The following CTNNA3 variants were observed in gnomAD, a reference collection of about 807,000 sequenced individuals.
CTNNA3 encodes catenin alpha 3.
In CTNNA3, 76 loss-of-function variants were observed where a neutral mutation model predicts 95.7. That is an observed-to-expected ratio of 0.79 (90% confidence interval 0.66 to 0.96). The LOEUF (loss-of-function observed/expected upper bound fraction) is 0.96, where lower values mean the gene tolerates loss of function less well. Ranked by LOEUF, CTNNA3 falls within the 40% of genes least tolerant of loss-of-function variation. CTNNA3 has a pLI of 0.00. For missense variants in CTNNA3, 1,191 were observed against 1,089.8 expected (o/e 1.09, Z -1.31); for synonymous variants, 431 against 374.4 (o/e 1.15, Z -1.74).
At chr10:66,377,297 T>G (rs2092802858) in intron 12 of CTNNA3, among the ~76,000 whole-genome samples, 1 of 152,070 alleles carries the variant, frequency 6.6e-6, no homozygotes, top group Non-Finnish European at 1.5e-5. Context: ...TAGGACATAA[T>G]TTATCTAGAG....
intron 7 of CTNNA3, among the ~76,000 whole-genome samples, chr10:66,872,561 C>T (rs1291355037): frequency 6.6e-6 from 1 of 151,930 alleles, no homozygotes; most frequent in African/African-American, 2.4e-5. Context: ...CCCAGCTACT[C>T]AGGAGGCTGA....
intron 14 of CTNNA3, 88 bp downstream of exon 14, chr10:66,103,069 C>A (rs565978538): frequency 1.9e-6 from 2 of 1,035,696 alleles, no homozygotes; most frequent in Non-Finnish European, 3.0e-6. Context: ...AGGAGTCCCA[C>A]CCATTAGAGG....
At chr10:67,094,562 A>C (rs940205758) in intron 7 of CTNNA3, among the ~76,000 whole-genome samples, 5 of 151,822 alleles carry the variant, frequency 3.3e-5, no homozygotes, top group Admixed American at 6.6e-5. Flanking sequence ...TCATATTGTC[A>C]AGCATGGTGC....
At chr10:67,193,824 A>G (rs187346955) in intron 6 of CTNNA3, among the ~76,000 whole-genome samples, 1 of 151,124 alleles carries the variant, frequency 6.6e-6, no homozygotes, top group African/African-American at 2.5e-5. Context: ...TCTTTATGAC[A>G]GAACAATTTA....
chr10:66,569,810 C>A (rs754127872), intron 10 of CTNNA3, among the ~76,000 whole-genome samples: 1 of 151,996 alleles, frequency 6.6e-6, no homozygotes, highest in Non-Finnish European at 1.5e-5. Context: ...ATATTATGAG[C>A]AATATCAGGA....
intron 9 of CTNNA3, among the ~76,000 whole-genome samples, chr10:66,709,269 G>T (rs1848216287): frequency 6.6e-6 from 1 of 152,042 alleles, no homozygotes; most frequent in Non-Finnish European, 1.5e-5. Context: ...TCCTGTGCTT[G>T]GATGTGGCAC....
At chr10:66,003,505 A>T (rs1804972654) in intron 15 of CTNNA3, among the ~76,000 whole-genome samples, 1 of 152,176 alleles carries the variant, frequency 6.6e-6, no homozygotes, top group South Asian at 2.1e-4. Context: ...TATAGAATTC[A>T]TAGAAGAATT....
At chr10:67,364,772 T>A (rs1843142905) in intron 5 of CTNNA3, among the ~76,000 whole-genome samples, 1 of 152,062 alleles carries the variant, frequency 6.6e-6, no homozygotes, top group Non-Finnish European at 1.5e-5. Flanking sequence ...ATAGGAAGAA[T>A]CAAAATCATG....
At chr10:67,275,425 C>T (rs771754684) in intron 5 of CTNNA3, among the ~76,000 whole-genome samples, 2 of 152,060 alleles carry the variant, frequency 1.3e-5, no homozygotes, top group African/African-American at 4.8e-5. Context: ...GATCAAACTA[C>T]AACAGCTACA....
chr10:66,723,910 A>T (rs1848704205), intron 9 of CTNNA3, among the ~76,000 whole-genome samples: 1 of 152,176 alleles, frequency 6.6e-6, no homozygotes, highest in Non-Finnish European at 1.5e-5. Flanking sequence ...GGAGTCTCAT[A>T]AATCAGACTT....
intron 12 of CTNNA3, among the ~76,000 whole-genome samples, chr10:66,364,312 GT>G (rs902944347): frequency 7.8e-6 from 1 of 127,460 alleles, no homozygotes; most frequent in African/African-American, 2.5e-5. Flanking sequence ...GGAGGCTGAG[GT>G]GGGAGGATCA....
At chr10:67,539,770 C>T in intron 3 of CTNNA3, 101 bp from the exon 4 acceptor site, 2 of 980,644 alleles carry the variant, frequency 2.0e-6, no homozygotes, top group Non-Finnish European at 3.0e-6. Context: ...CAAGACTAAG[C>T]ATAATATAAA....
At chr10:66,179,953 T>C (rs996512259) in intron 13 of CTNNA3, among the ~76,000 whole-genome samples, 1 of 152,150 alleles carries the variant, frequency 6.6e-6, no homozygotes, top group African/African-American at 2.4e-5. Flanking sequence ...ATGGGTTGAA[T>C]AGTAGATGTG....
intron 13 of CTNNA3, among the ~76,000 whole-genome samples, chr10:66,147,700 T>C (rs1042999662): frequency 6.6e-6 from 1 of 151,064 alleles, no homozygotes; most frequent in Non-Finnish European, 1.5e-5. Flanking sequence ...TTAGTGGCTG[T>C]TTTATACCTG....
At chr10:66,751,685 G>C (rs1283090006) in intron 9 of CTNNA3, among the ~76,000 whole-genome samples, 1 of 151,984 alleles carries the variant, frequency 6.6e-6, no homozygotes, top group East Asian at 1.9e-4. Context: ...TGCCTTCCAA[G>C]GTTCTAACAA....
In CTNNA3 at chr10:65,920,686, C is replaced by G; in HGVS notation, c.2401-69G>C. 3 of 1,513,892 alleles carry G rather than the reference C, an allele frequency of 2.0e-6. No homozygotes were observed. The South Asian group carries it at 3.7e-5, about 19-fold the overall frequency. The allele number at this position is 1,513,892 out of a possible 1,614,324, so 93.8% of individuals were successfully genotyped here. Reference sequence around the variant, plus strand: ...TTTGTTAATTATTGCCAAGCGTGGGCATGGTGGCATGTGCCCGTTGCCCCA... The same window carrying G: ...TTTGTTAATTATTGCCAAGCGTGGGGATGGTGGCATGTGCCCGTTGCCCCA... On this transcript the variant is annotated intron_variant, in intron 17 of 17. Coordinates refer to ENST00000433211, the MANE Select transcript of CTNNA3 (RefSeq NM_013266.4).
At position 67,051,482 on chromosome 10, in the gene CTNNA3, C is replaced by T. The variant is rs77343273; in HGVS notation, c.1047+128835G>A. On this transcript the variant is annotated intron_variant, in intron 7 of 17. Coordinates refer to ENST00000433211, the MANE Select transcript of CTNNA3 (RefSeq NM_013266.4). ...TTTTTTCTTTTTTTTTTTTTGGTGACGGAGTCTCACCCTGTCACCGAGGCT... is the reference window on the plus strand; with the variant it reads ...TTTTTTCTTTTTTTTTTTTTGGTGATGGAGTCTCACCCTGTCACCGAGGCT... Among the ~76,000 whole-genome samples the T allele has an allele frequency of 0.01, 1,524 of 145,744 alleles. 59 individuals are homozygous for T. The East Asian group carries it at 0.14, about 14-fold the overall frequency.
chr10:66,904,035 G>T (rs190829949), intron 7 of CTNNA3, among the ~76,000 whole-genome samples: 1 of 152,216 alleles, frequency 6.6e-6, no homozygotes, highest in Admixed American at 6.5e-5. Context: ...CTACTGTAAA[G>T]TTCATATAGA....
intron 7 of CTNNA3, among the ~76,000 whole-genome samples, chr10:66,970,819 G>A (rs1361250255): frequency 2.0e-5 from 3 of 152,058 alleles, no homozygotes; most frequent in Non-Finnish European, 4.4e-5. Flanking sequence ...TATATACATG[G>A]TAACACCATC....
Sources: allele counts gnomAD v4.1 joint callset (sites outside exome capture counted in the v4.1 genomes callset), GRCh38; gene constraint gnomAD v4.1.1; transcripts MANE v1.5; gene names NCBI Gene and HGNC (gene_info 2026-07-23, HGNC 2026-07-21).